ANKRD55: variants seen among roughly 807,000 people sequenced by gnomAD.
ANKRD55 encodes the protein ankyrin repeat domain 55, also known as ankyrin repeat domain-containing protein 55.
ANKRD55 carries 41 observed loss-of-function variants against 60.6 expected under a neutral mutation model. The ratio of observed to expected loss-of-function variants is 0.68; its 90% confidence interval spans 0.53 to 0.88. ANKRD55 has a LOEUF of 0.88. Ranked by LOEUF, ANKRD55 falls within the 40% of genes least tolerant of loss-of-function variation. The probability of loss-of-function intolerance (pLI) is 0.00; values close to 1 mark genes in which losing one functional copy is unlikely to be tolerated. For synonymous variants in ANKRD55, 264 were observed against 290.3 expected (o/e 0.91, Z 0.92); for missense variants, 732 against 767.6 (o/e 0.95, Z 0.55).
intron 2 of ANKRD55, among the ~76,000 whole-genome samples, chr5:56,228,232 C>T (rs76274800): frequency 0.039 from 5,940 of 151,968 alleles, 150 homozygotes; most frequent in African/African-American, 0.074. Flanking sequence ...TCTGGGTGGT[C>T]CCTAAATGCA....
At chr5:56,187,440 C>T (rs951025046) in intron 2 of ANKRD55, among the ~76,000 whole-genome samples, 3 of 152,250 alleles carry the variant, frequency 2.0e-5, no homozygotes, top group Non-Finnish European at 2.9e-5. Flanking sequence ...CTCTGGGTCA[C>T]CTCCCTTTGT....
chr5:56,206,264 A>G lies in ANKRD55; in HGVS notation c.59-22630T>C, dbSNP rs141042623. 5.3e-3 allele frequency among the ~76,000 whole-genome samples: 804 copies of G among 152,248 alleles called. 23 individuals carry two copies. The highest frequency in any genetic ancestry group is 0.036 in the Admixed American group (544 of 15,286). ...AATGCTGGGATTACAAGCATGAGCCACCGCTTCTGGCCTCAATGATGCATT... is the reference window on the plus strand; with the variant it reads ...AATGCTGGGATTACAAGCATGAGCCGCCGCTTCTGGCCTCAATGATGCATT... On this transcript the variant is annotated intron_variant, in intron 2 of 11. Transcript: ENST00000341048.
intron 7 of ANKRD55, among the ~76,000 whole-genome samples, chr5:56,131,380 C>T (rs1757407327): frequency 6.6e-6 from 1 of 152,144 alleles, no homozygotes; most frequent in African/African-American, 2.4e-5. Context: ...AGCCTCCCAT[C>T]AACAAGAATT....
intron 8 of ANKRD55, among the ~76,000 whole-genome samples, chr5:56,120,307 G>A (rs898945331): frequency 2.0e-5 from 3 of 152,060 alleles, no homozygotes; most frequent in Non-Finnish European, 2.9e-5. Flanking sequence ...AATTACAGGC[G>A]TGAGCCACCG....
chr5:56,117,654 A>C (rs1281483486), intron 8 of ANKRD55, among the ~76,000 whole-genome samples: 2 of 152,004 alleles, frequency 1.3e-5, no homozygotes, highest in African/African-American at 4.8e-5. Flanking sequence ...GGGTTTCACT[A>C]TGTTGGCCAG....
chr5:56,177,256 A>T (rs561682712), intron 3 of ANKRD55, among the ~76,000 whole-genome samples: 87 of 152,150 alleles, frequency 5.7e-4, no homozygotes, highest in African/African-American at 1.9e-3. Flanking sequence ...TTTCTCTCCA[A>T]TTTTTTTCCT....
intron 5 of ANKRD55, among the ~76,000 whole-genome samples, chr5:56,166,158 T>TTCCTTCCTTCCTTCCTTCC (rs58740295): frequency 8.3e-5 from 6 of 72,458 alleles, no homozygotes; most frequent in South Asian, 4.5e-4. Context: ...TTCTTTCTTC[T>TTCCTTCCTTCCTTCCTTCC]TTCCTTCCTT....
At position 56,232,887 on chromosome 5, in the gene ANKRD55, G is replaced by T. The variant is rs764391102; in HGVS notation, c.27C>A (p.Phe9Leu). The T allele has an allele frequency of 3.7e-6, 6 of 1,614,040 alleles. No individual in the cohort carries two copies. The African/African-American group carries it at 4.0e-5, about 11-fold the overall frequency. Residue 9 changes from phenylalanine (F) to leucine (L), a missense_variant, in exon 2 of 12, where the codon TTC becomes TTA. Transcript: ENST00000341048. ...GCTGATCAAACACAGAAGGGGTGCTGAAATCCATGGTAGCCTGTCTCATCA... is the reference window on the plus strand; with the variant it reads ...GCTGATCAAACACAGAAGGGGTGCTTAAATCCATGGTAGCCTGTCTCATCA... Reference protein sequence around the residue: MMRQATMDFSTPSVFDQQR... With the variant: MMRQATMDLSTPSVFDQQR...
At chr5:56,131,358 A>G (rs1757406646) in intron 7 of ANKRD55, among the ~76,000 whole-genome samples, 1 of 152,200 alleles carries the variant, frequency 6.6e-6, no homozygotes, top group South Asian at 2.1e-4. Context: ...AAATACTTAA[A>G]GAGTTGAGAA....
At chr5:56,156,629 G>A (rs1758200124) in intron 6 of ANKRD55, among the ~76,000 whole-genome samples, 1 of 152,188 alleles carries the variant, frequency 6.6e-6, no homozygotes, top group East Asian at 1.9e-4. Flanking sequence ...GTTGGAGGTG[G>A]AGGAAGTAGT....
chr5:56,187,875 C>T (rs571697248), intron 2 of ANKRD55, among the ~76,000 whole-genome samples: 34 of 150,358 alleles, frequency 2.3e-4, no homozygotes, highest in Non-Finnish European at 2.6e-4. Context: ...ATCTTGGAAG[C>T]CCCCCGCCAC....
chr5:56,192,580 C>T (rs1581012751), intron 2 of ANKRD55: 5 of 470,736 alleles, frequency 1.1e-5, no homozygotes, highest in Non-Finnish European at 1.9e-5. Flanking sequence ...ATTTTTTAAC[C>T]TTCCTCTATG....
intron 7 of ANKRD55, among the ~76,000 whole-genome samples, chr5:56,134,157 T>TTAA (rs1757494575): frequency 8.7e-6 from 1 of 114,558 alleles, no homozygotes; most frequent in East Asian, 2.5e-4. Context: ...GATGAAGAAA[T>TTAA]ACTTTAAACA....
chr5:56,112,504 CAAA>C (rs1187255213), intron 9 of ANKRD55, among the ~76,000 whole-genome samples: 17 of 25,662 alleles, frequency 6.6e-4, no homozygotes, highest in Middle Eastern at 0.036. Context: ...TCATCTCTAG[CAAA>C]AAAAAAAAAA....
chr5:56,136,986 G>A (rs1002982432), intron 7 of ANKRD55: 19 of 616,792 alleles, frequency 3.1e-5, no homozygotes, highest in East Asian at 6.3e-5. Context: ...AAAATGATTC[G>A]CTCTTCACTT....
At chr5:56,187,093 T>TA (rs1301745412) in intron 2 of ANKRD55, among the ~76,000 whole-genome samples, 1 of 152,232 alleles carries the variant, frequency 6.6e-6, no homozygotes, top group Non-Finnish European at 1.5e-5. Context: ...CTGATAGAAT[T>TA]ATGATCCCCA....
intron 10 of ANKRD55, among the ~76,000 whole-genome samples, chr5:56,106,375 T>C (rs1298175350): frequency 6.7e-6 from 1 of 149,220 alleles, no homozygotes; most frequent in East Asian, 1.9e-4. Flanking sequence ...AAAACAATTA[T>C]TGTTAAAAAT....
At chr5:56,188,917 G>A (rs1396277180) in intron 2 of ANKRD55, among the ~76,000 whole-genome samples, 1 of 152,098 alleles carries the variant, frequency 6.6e-6, no homozygotes, top group Non-Finnish European at 1.5e-5. Flanking sequence ...AAATTAGTAG[G>A]AAGTCTGGCT....
intron 2 of ANKRD55, among the ~76,000 whole-genome samples, chr5:56,225,841 A>G (rs1760098015): frequency 6.6e-6 from 1 of 152,244 alleles, no homozygotes; most frequent in South Asian, 2.1e-4. Flanking sequence ...AAGAGGACAC[A>G]AACAAATGGA....
Sources: gnomAD v4.1 joint callset for allele counts (sites outside exome capture counted in the v4.1 genomes callset) on GRCh38, gnomAD v4.1.1 for gene constraint, MANE v1.5 for transcripts, NCBI Gene and HGNC (gene_info 2026-07-23, HGNC 2026-07-21) for gene names.